The following DOCK11 variants were observed in gnomAD, a reference collection of about 807,000 sequenced individuals.
DOCK11 encodes the protein dedicator of cytokinesis 11.
A neutral mutation model predicts 169.1 loss-of-function variants in DOCK11; 70 were observed. That is an observed-to-expected ratio of 0.41 (90% CI 0.34 to 0.51). The LOEUF is 0.51. Among genes scored for constraint, DOCK11 ranks in the 20% least tolerant of loss-of-function variants. The probability of loss-of-function intolerance (pLI) is 0.10; values close to 1 mark genes in which losing one functional copy is unlikely to be tolerated. For synonymous variants in DOCK11, 529 were observed against 541.3 expected, an observed-to-expected ratio of 0.98 and a Z score of 0.32; for missense variants, 1,166 against 1,538.8, an observed-to-expected ratio of 0.76 and a Z score of 4.05.
chrX:118,660,545 A>C (rs1371714352), intron 44 of DOCK11, among the ~76,000 whole-genome samples: 2 of 107,468 alleles, frequency 1.9e-5, no homozygotes, highest in African/African-American at 6.8e-5. Context: ...GCTCACTGCA[A>C]GCTCCACCTC....
Position 118,546,091 on chromosome X carries a change from A to G in DOCK11, c.533A>G (p.Asn178Ser). 1 of 1,198,888 alleles carries G rather than the reference A, an allele frequency of 8.3e-7. No individual in the cohort carries two copies. Among genetic ancestry groups the G allele is most frequent in the Non-Finnish European group, 1.1e-6 (1 of 885,331 alleles). ...KQGWLHKANV[N>S]STITVTMKVF... ...GGCTGGTTGCATAAAGCAAATGTAA[A>G]TAGTACCATCACAGTAACCATGAAG... The change falls in exon 6 of 53, where the codon AAT (asparagine) becomes AGT (serine). Residue 178 changes from asparagine to serine, a missense_variant. Coordinates refer to ENST00000276202, the MANE Select transcript of DOCK11 (RefSeq NM_144658.4).
chrX:118,670,300 A>G (rs2016437074), intron 45 of DOCK11, among the ~76,000 whole-genome samples: 1 of 111,818 alleles, frequency 8.9e-6, no homozygotes, highest in African/African-American at 3.2e-5. Flanking sequence ...TAAGATAGAA[A>G]CAAGCTGTTA....
chrX:118,685,999 G>A lies in DOCK11; in HGVS notation c.*192G>A, dbSNP rs970821037. 1.3e-5 allele frequency: 6 copies of A among 446,799 alleles called. No individual in the cohort carries two copies. The African/African-American group carries it at 1.5e-4, about 11-fold the overall frequency. 36.8% of individuals were successfully genotyped at this position (446,799 alleles called of 1,213,427 possible). ...AAAGTGCCTGGAAAATTGCACCACT[G>A]TGCTTGGTTTGTACTTTTTTAGGTA... On this transcript the variant is annotated 3_prime_UTR_variant, in exon 53 of 53. Transcript: ENST00000276202.
In DOCK11 at chrX:118,621,726, C is replaced by T. The variant is rs1037662606; in HGVS notation, c.3472-2813C>T. ...TCAGCTCGCTGCAGCCTCCGCCTCCCGGGTTCAAGCAGTTCTCCTGCCTCA... is the reference window on the plus strand; with the variant it reads ...TCAGCTCGCTGCAGCCTCCGCCTCCTGGGTTCAAGCAGTTCTCCTGCCTCA... On this transcript the variant is annotated intron_variant, in intron 31 of 52. Transcript: ENST00000276202. 4.5e-5 allele frequency among the ~76,000 whole-genome samples: 5 copies of T among 111,280 alleles called. No individual in the cohort carries two copies. The East Asian group carries it at 8.5e-4, about 19-fold the overall frequency.
chrX:118,626,389 C>T (rs1569433832), intron 32 of DOCK11, among the ~76,000 whole-genome samples: 1 of 111,189 alleles, frequency 9.0e-6, no homozygotes, highest in Non-Finnish European at 1.9e-5. Context: ...CCTTTGCTTT[C>T]GTGGTCACCC....
chrX:118,667,938 C>T (rs192093126), intron 45 of DOCK11, among the ~76,000 whole-genome samples: 27 of 111,615 alleles, frequency 2.4e-4, no homozygotes, highest in African/African-American at 8.4e-4. Context: ...TATGTTGTTG[C>T]TAGTATATAG....
chrX:118,500,284 G>A (rs1315068318), intron 1 of DOCK11, among the ~76,000 whole-genome samples: 1 of 110,691 alleles, frequency 9.0e-6, no homozygotes, highest in Non-Finnish European at 1.9e-5. Context: ...TCCTGACCTC[G>A]TGATCCGCCC....
At chrX:118,570,993 G>A (rs900338231) in intron 10 of DOCK11, among the ~76,000 whole-genome samples, 4 of 111,516 alleles carry the variant, frequency 3.6e-5, no homozygotes, top group Non-Finnish European at 3.8e-5. Context: ...TTTAAAAATC[G>A]ATTTCTGTGG....
intron 1 of DOCK11, among the ~76,000 whole-genome samples, chrX:118,515,955 A>G (rs1253039962): frequency 1.1e-5 from 1 of 88,405 alleles, no homozygotes; most frequent in Non-Finnish European, 2.1e-5. Context: ...TAGCAAAAAC[A>G]AAAACCCAAA....
chrX:118,613,679 A>G (rs1442728302), intron 28 of DOCK11, among the ~76,000 whole-genome samples: 1 of 112,355 alleles, frequency 8.9e-6, no homozygotes, highest in African/African-American at 3.2e-5. Flanking sequence ...CGAGGGGATA[A>G]TAAGTGAATG....
At chrX:118,663,799 C>T (rs1336680154) in intron 45 of DOCK11, among the ~76,000 whole-genome samples, 3 of 106,479 alleles carry the variant, frequency 2.8e-5, no homozygotes, top group Non-Finnish European at 3.9e-5. Flanking sequence ...CTCAGCCTAC[C>T]GAGTACCAGG....
intron 6 of DOCK11, among the ~76,000 whole-genome samples, chrX:118,555,943 C>G (rs776580127): frequency 9.0e-6 from 1 of 111,465 alleles, no homozygotes; most frequent in African/African-American, 3.3e-5. Flanking sequence ...CTGGTTCATG[C>G]AATTTAGCAG....
chrX:118,531,412 C>CAAAAAAAAAAAAA (rs60932296), intron 1 of DOCK11, among the ~76,000 whole-genome samples: 3 of 29,205 alleles, frequency 1.0e-4, no homozygotes, highest in African/African-American at 1.2e-4. Flanking sequence ...GCCATATACT[C>CAAAAAAAAAAAAA]AAAAAAAAAA....
chrX:118,588,976 C>T (rs1168134781), intron 18 of DOCK11, among the ~76,000 whole-genome samples: 2 of 112,232 alleles, frequency 1.8e-5, no homozygotes, highest in Admixed American at 9.5e-5. Context: ...TCCTTAAATA[C>T]CTGTCACACC....
At chrX:118,649,909 G>A (rs12010873) in intron 41 of DOCK11, among the ~76,000 whole-genome samples, 25,543 of 110,483 alleles carry the variant, frequency 0.23, 2,576 homozygotes, top group African/African-American at 0.39. Flanking sequence ...AATCTGGTGG[G>A]GTAAATATTG....
chrX:118,665,043 A>C (rs1032498656), intron 45 of DOCK11, among the ~76,000 whole-genome samples: 2 of 112,028 alleles, frequency 1.8e-5, no homozygotes, highest in African/African-American at 6.5e-5. Context: ...TTTACCTACT[A>C]TTTCTACATA....
chrX:118,679,329 CAG>C (rs1219947928), intron 48 of DOCK11, among the ~76,000 whole-genome samples: 1 of 112,034 alleles, frequency 8.9e-6, no homozygotes, highest in Non-Finnish European at 1.9e-5. Context: ...GGATGTTCAT[CAG>C]AACATTATTT....
At chrX:118,516,152 G>T (rs1194820640) in intron 1 of DOCK11, among the ~76,000 whole-genome samples, 1 of 88,522 alleles carries the variant, frequency 1.1e-5, no homozygotes, top group Non-Finnish European at 2.2e-5. Context: ...GAGTGCAGTG[G>T]CATGATCTCG....
chrX:118,653,366 T>C (rs2015991483), intron 42 of DOCK11, among the ~76,000 whole-genome samples: 1 of 111,389 alleles, frequency 9.0e-6, no homozygotes, highest in South Asian at 3.8e-4. Context: ...ATAATTATTA[T>C]TTTTAAAGGG....
Sources: gnomAD v4.1 joint callset for allele counts (sites outside exome capture counted in the v4.1 genomes callset) on GRCh38, gnomAD v4.1.1 for gene constraint, MANE v1.5 for transcripts, NCBI Gene and HGNC (gene_info 2026-07-23, HGNC 2026-07-21) for gene names.